Variants in GALNTL6 observed in about 807,000 individuals in gnomAD.
GALNTL6 encodes polypeptide N-acetylgalactosaminyltransferase-like 6.
In GALNTL6, 46 loss-of-function variants were observed where a neutral mutation model predicts 73.7. The observed-to-expected ratio is 0.62, with a 90% CI of 0.49 to 0.80. The LOEUF is 0.80. Among genes scored for constraint, GALNTL6 ranks in the 30% least tolerant of loss-of-function variants. The pLI is 0.00. For missense variants in GALNTL6, 604 were observed against 755.0 expected, an observed-to-expected ratio of 0.80 and a Z score of 2.34; for synonymous variants, 259 against 263.7, an observed-to-expected ratio of 0.98 and a Z score of 0.17.
chr4:172,361,825 C>T (rs1742382203), intron 5 of GALNTL6, among the ~76,000 whole-genome samples: 1 of 152,098 alleles, frequency 6.6e-6, no homozygotes, highest in African/African-American at 2.4e-5. Context: ...TTGGGCATCA[C>T]CCTAGCTTTA....
At chr4:172,571,202 C>A (rs1736747974) in intron 5 of GALNTL6, among the ~76,000 whole-genome samples, 1 of 152,132 alleles carries the variant, frequency 6.6e-6, no homozygotes, top group Admixed American at 6.6e-5. Flanking sequence ...AATAATAGAA[C>A]AAGAATAGGA....
intron 2 of GALNTL6, among the ~76,000 whole-genome samples, chr4:171,968,536 T>C (rs1739457510): frequency 6.6e-6 from 1 of 152,212 alleles, no homozygotes; most frequent in Non-Finnish European, 1.5e-5. Flanking sequence ...TCCAGCATGA[T>C]CTAGTTCTTT....
At chr4:172,912,211 T>C (rs543578847) in intron 8 of GALNTL6, among the ~76,000 whole-genome samples, 1 of 152,330 alleles carries the variant, frequency 6.6e-6, no homozygotes, top group East Asian at 1.9e-4. Flanking sequence ...TCAGAGTGTA[T>C]ACACACATTC....
intron 2 of GALNTL6, among the ~76,000 whole-genome samples, chr4:172,173,504 C>A (rs865800467): frequency 6.6e-6 from 1 of 152,194 alleles, no homozygotes. Flanking sequence ...GCTGAGCAAC[C>A]TTCTGCGTGG....
At chr4:173,013,481 G>A (rs981772742) in intron 11 of GALNTL6, among the ~76,000 whole-genome samples, 1 of 151,886 alleles carries the variant, frequency 6.6e-6, no homozygotes, top group Non-Finnish European at 1.5e-5. Flanking sequence ...ATTTGACAGC[G>A]GAACATGGAT....
chr4:171,831,443 T>C (rs1341743077), intron 2 of GALNTL6, among the ~76,000 whole-genome samples: 2 of 152,010 alleles, frequency 1.3e-5, no homozygotes, highest in African/African-American at 4.8e-5. Flanking sequence ...AATGCTAAAT[T>C]ACATCAAGCA....
intron 2 of GALNTL6, among the ~76,000 whole-genome samples, chr4:172,015,138 C>T (rs1741145787): frequency 6.6e-6 from 1 of 152,054 alleles, no homozygotes; most frequent in Non-Finnish European, 1.5e-5. Flanking sequence ...CTATCTAATG[C>T]TGTCAGTGGA....
intron 5 of GALNTL6, among the ~76,000 whole-genome samples, chr4:172,470,835 C>G (rs1733020060): frequency 6.6e-6 from 1 of 152,124 alleles, no homozygotes; most frequent in South Asian, 2.1e-4. Context: ...TATTCGTGTG[C>G]ATGGGCCTGC....
chr4:172,505,105 A>C (rs1734374122), intron 5 of GALNTL6, among the ~76,000 whole-genome samples: 1 of 54,968 alleles, frequency 1.8e-5, no homozygotes, highest in African/African-American at 4.5e-5. Context: ...TTTTCAAATA[A>C]TTATATTAAC....
intron 5 of GALNTL6, among the ~76,000 whole-genome samples, chr4:172,502,730 T>C (rs1326382611): frequency 6.6e-6 from 1 of 152,206 alleles, no homozygotes; most frequent in African/African-American, 2.4e-5. Flanking sequence ...GCACTTACAC[T>C]GTATTCTAGA....
chr4:172,546,786 A>ATATATATATATG (rs1561131709), intron 5 of GALNTL6, among the ~76,000 whole-genome samples: 178 of 9,848 alleles, frequency 0.018, 1 homozygote, highest in Middle Eastern at 0.062. Context: ...ACTCCGCTTT[A>ATATATATATATG]TATATATATA....
chr4:172,065,673 T>C (rs1458516923), intron 2 of GALNTL6, among the ~76,000 whole-genome samples: 2 of 152,180 alleles, frequency 1.3e-5, no homozygotes, highest in African/African-American at 4.8e-5. Flanking sequence ...CTAACTGTGT[T>C]AGTCCATTCT....
At chr4:172,496,143 G>A (rs528705464) in intron 5 of GALNTL6, among the ~76,000 whole-genome samples, 7 of 152,144 alleles carry the variant, frequency 4.6e-5, no homozygotes, top group Non-Finnish European at 7.3e-5. Flanking sequence ...ATACAAAAGT[G>A]TAGATGGAAA....
At chr4:172,775,587 T>C (rs1407606444) in intron 5 of GALNTL6, among the ~76,000 whole-genome samples, 1 of 152,196 alleles carries the variant, frequency 6.6e-6, no homozygotes. Context: ...TTTCCCTTAA[T>C]CTAGGATTTT....
At chr4:171,878,918 G>A (rs1275249767) in intron 2 of GALNTL6, among the ~76,000 whole-genome samples, 1 of 152,106 alleles carries the variant, frequency 6.6e-6, no homozygotes. Context: ...TTCTGCCCCA[G>A]CTATGTAAAA....
At chr4:172,181,780 G>A (rs186000517) in intron 2 of GALNTL6, among the ~76,000 whole-genome samples, 14 of 148,970 alleles carry the variant, frequency 9.4e-5, no homozygotes, top group African/African-American at 3.2e-4. Flanking sequence ...GCAGTGGCGC[G>A]ATCTCGGCTC....
intron 5 of GALNTL6, among the ~76,000 whole-genome samples, chr4:172,397,915 G>A (rs745334775): frequency 2.6e-5 from 4 of 151,922 alleles, no homozygotes; most frequent in African/African-American, 9.7e-5. Flanking sequence ...TATAATTGTT[G>A]CCAGTATAGT....
At chr4:172,082,168 C>A (rs1447619816) in intron 2 of GALNTL6, among the ~76,000 whole-genome samples, 1 of 151,884 alleles carries the variant, frequency 6.6e-6, no homozygotes, top group East Asian at 1.9e-4. Context: ...CTGCACCTGG[C>A]CAAGTCAAGT....
intron 2 of GALNTL6, among the ~76,000 whole-genome samples, chr4:172,087,929 G>A (rs1244525231): frequency 1.3e-5 from 2 of 152,092 alleles, no homozygotes; most frequent in African/African-American, 4.8e-5. Flanking sequence ...ATAATTTGGT[G>A]TTCAATCAAA....
Sources: allele counts gnomAD v4.1 joint callset (sites outside exome capture counted in the v4.1 genomes callset), GRCh38; gene constraint gnomAD v4.1.1; transcripts MANE v1.5; gene names NCBI Gene and HGNC (gene_info 2026-07-23, HGNC 2026-07-21).